CLCN1: variants seen among roughly 807,000 people sequenced by gnomAD.
CLCN1 encodes chloride channel protein 1.
In CLCN1, 100 loss-of-function variants were observed where a neutral mutation model predicts 114.5. The ratio of observed to expected loss-of-function variants is 0.87; its 90% CI spans 0.74 to 1.03. CLCN1 has a LOEUF of 1.03. Among genes scored for constraint, CLCN1 ranks in the 50% least tolerant of loss-of-function variants. The probability of loss-of-function intolerance (pLI) is 0.00; values close to 1 mark genes in which losing one functional copy is unlikely to be tolerated. For synonymous variants in CLCN1, 485 were observed against 487.1 expected (o/e 1.00, Z 0.06); for missense variants, 1,188 against 1,250.0 (o/e 0.95, Z 0.75).
At chr7:143,348,699 T>C (rs1803317640) in intron 20 of CLCN1, among the ~76,000 whole-genome samples, 1 of 152,176 alleles carries the variant, frequency 6.6e-6, no homozygotes, top group African/African-American at 2.4e-5. Flanking sequence ...AAGATTCAAT[T>C]ATATGTTGCC....
chr7:143,324,338 T>C lies in CLCN1; in HGVS notation c.775-76T>C. The stretch of plus-strand genomic sequence containing the variant: ...GCCTCTCATTCTGCCTTATTCCCCA[T>C]CCCTGCTTGTTCTGTCCTCTGCCTG... On this transcript the variant is annotated intron_variant, in intron 6 of 22. Transcript: ENST00000343257. The surrounding 1 kb of genome is among the most constrained non-coding windows in gnomAD (Gnocchi z 4.6). 10 of 1,040,402 alleles carry C rather than the reference T, an allele frequency of 9.6e-6. No homozygotes were observed. The highest frequency in any genetic ancestry group is 1.4e-5 in the Non-Finnish European group (9 of 657,794). 64.4% of individuals were successfully genotyped at this position (1,040,402 alleles called of 1,614,324 possible). A position where few individuals can be genotyped will look rare whatever the true frequency, so the allele number is the denominator to read the frequency against.
At position 143,345,602 on chromosome 7, in the gene CLCN1, T is replaced by A. The variant is rs772516304; in HGVS notation, c.2012T>A (p.Leu671Gln). The A allele has an allele frequency of 1.3e-6, 2 of 1,553,956 alleles. No homozygotes were observed. Among genetic ancestry groups the A allele is most frequent in the South Asian group, 1.2e-5 (1 of 84,254 alleles). The change falls in exon 17 of 23, where the codon CTG (leucine) becomes CAG (glutamine). Residue 671 changes from leucine to glutamine, a missense_variant. Leu to Gln is a moderately radical substitution (Grantham distance 113, BLOSUM62 -2). Coordinates refer to ENST00000343257, the MANE Select transcript of CLCN1 (RefSeq NM_000083.3). ...LQRHLCPERR[L>Q]RAAQEMARKL... is the part of the protein sequence containing the mutation. The stretch of plus-strand genomic sequence containing the variant: ...CGCCACCTGTGTCCTGAGCGCAGGC[T>A]GCGCGCAGCCCAAGAGATGGCGCGG...
At position 143,339,425 on chromosome 7, in the gene CLCN1, A is replaced by G. The variant is rs1803017830; in HGVS notation, c.1472-86A>G. The G allele has an allele frequency of 1.5e-6, 2 of 1,375,002 alleles. No homozygotes were observed. Among genetic ancestry groups the G allele is most frequent in the Non-Finnish European group, 2.1e-6 (2 of 962,064 alleles). The allele number at this position is 1,375,002 out of a possible 1,614,324, so 85.2% of individuals were successfully genotyped here. A position where few individuals can be genotyped will look rare whatever the true frequency, so the allele number is the denominator to read the frequency against. On this transcript the variant is annotated intron_variant, in intron 13 of 22. Transcript: ENST00000343257. This position sits in a 1 kb window ranked among gnomAD's most constrained non-coding sequence, Gnocchi z 4.1. ...ATGCTGGGAGTTTATATTTGTTCTT[A>G]ATGCCCAAGGAGAGATTGGTTCTGA... is the stretch of plus-strand genomic sequence containing the variant.
Position 143,345,677 on chromosome 7 carries a change from G to A in CLCN1, c.2087G>A (p.Gly696Glu), listed in dbSNP as rs1243583996. 3.2e-6 allele frequency: 5 copies of A among 1,556,544 alleles called. No individual in the cohort carries two copies. In the Admixed American group the frequency reaches 7.8e-5, roughly 24 times the overall value. Residue 696 changes from glycine (G) to glutamate (E), a missense_variant, in exon 17 of 23, where the codon GGG becomes GAG. Physicochemically the swap from Gly to Glu is moderately conservative, Grantham distance 98. Transcript: ENST00000343257. ...GGGAAGGCGCGGCTGGCTGGGGAGG[G>A]GCTCCCCGGCGCGCCTCCAGGCCGG... ...YDGKARLAGEGLPGAPPGRPE... is the reference protein window; with the variant it reads ...YDGKARLAGEELPGAPPGRPE...
In CLCN1 at chr7:143,342,457, C is replaced by A. The variant is rs2116374684; in HGVS notation, c.1882C>A (p.Leu628Met). ...TTACACATATGGGGAGTTGCGAACC[C>A]TGCTCCAGACCACCACAGTCAAGAC... ...ASYTYGELRT[L>M]LQTTTVKTLP... Residue 628 changes from leucine (L) to methionine (M), a missense_variant, in exon 16 of 23, where the codon CTG (leucine) becomes ATG (methionine). Leu to Met is a conservative substitution (Grantham distance 15). Coordinates refer to ENST00000343257, the MANE Select transcript of CLCN1 (RefSeq NM_000083.3). 1 of 1,614,080 alleles carries A rather than the reference C, an allele frequency of 6.2e-7. No homozygotes were observed. The highest frequency in any genetic ancestry group is 1.7e-5 in the Admixed American group (1 of 60,006).
intron 1 of CLCN1, 113 bp from the exon 2 acceptor site, chr7:143,319,642 C>G: frequency 8.7e-7 from 1 of 1,147,164 alleles, no homozygotes; most frequent in South Asian, 1.2e-5. Context: ...CAGTCAACAC[C>G]CAGAATTCAA....
At position 143,341,909 on chromosome 7, in the gene CLCN1, G is replaced by A. The variant is rs371387287; in HGVS notation, c.1583-20G>A. ...AGAACGGTAGCCCTAACCTACAGGC[G>A]TATTCCTGTGTCATTCTAGGAGCAG... On this transcript the variant is annotated intron_variant, in intron 14 of 22. Transcript: ENST00000343257. 77 of 1,597,058 alleles carry A rather than the reference G, an allele frequency of 4.8e-5. No individual in the cohort carries two copies. The African/African-American group carries it at 6.6e-4, about 14-fold the overall frequency.
In CLCN1 at chr7:143,342,100, A is replaced by G. The variant is rs757983792; in HGVS notation, c.1754A>G (p.Lys585Arg). 1.2e-6 allele frequency: 2 copies of G among 1,614,202 alleles called. No individual in the cohort carries two copies. Among genetic ancestry groups the G allele is most frequent in the South Asian group, 1.1e-5 (1 of 91,082 alleles). The stretch of plus-strand genomic sequence containing the variant: ...CTCTATGACAGCATCATCCAGGTCA[A>G]GAAGCTACCCTACTTGCCTGACCTT... The part of the protein sequence containing the change: ...PSLYDSIIQV[K>R]KLPYLPDLGW... Residue 585 changes from lysine to arginine, a missense_variant, in exon 15 of 23, where the codon AAG (lysine) becomes AGG (arginine). Physicochemically the swap from Lys to Arg is conservative, Grantham distance 26 (BLOSUM62 2). Transcript: ENST00000343257.
chr7:143,345,539 G>A lies in CLCN1; in HGVS notation c.1949G>A (p.Gly650Asp). Residue 650 changes from glycine (G) to aspartate (D), a missense_variant, in exon 17 of 23, where the codon GGC becomes GAC. Physicochemically the swap from Gly to Asp is moderately conservative, Grantham distance 94 (BLOSUM62 -1). Coordinates refer to ENST00000343257, the MANE Select transcript of CLCN1 (RefSeq NM_000083.3). ...CCCTCAGATTCAATGATCCTGCTGG[G>A]CTCGGTGGAGCGGTCGGAACTGCAG... Reference protein sequence around the residue: ...VDSKDSMILLGSVERSELQAL... With the variant: ...VDSKDSMILLDSVERSELQAL... 6.5e-7 allele frequency: 1 copy of A among 1,538,958 alleles called. No homozygotes were observed. Among genetic ancestry groups the A allele is most frequent in the South Asian group, 1.2e-5 (1 of 83,702 alleles).
rs755414284 is a variant in CLCN1, at chr7:143,316,329, T to G, written c.117T>G (p.Asn39Lys). Residue 39 changes from asparagine to lysine, a missense_variant, in exon 1 of 23, where the codon AAT (asparagine) becomes AAG (lysine). Transcript: ENST00000343257. Reference protein sequence around the residue: ...HCTSYGLPSENGGLQHRLRKD... With the variant: ...HCTSYGLPSEKGGLQHRLRKD... Reference sequence around the variant, plus strand: ...CCAGCTACGGACTGCCCTCTGAGAATGGGGGCCTCCAGCACAGGCTCCGGA... The same window carrying G: ...CCAGCTACGGACTGCCCTCTGAGAAGGGGGGCCTCCAGCACAGGCTCCGGA... 1.7e-5 allele frequency: 27 copies of G among 1,610,714 alleles called. No individual in the cohort carries two copies. Among genetic ancestry groups the G allele is most frequent in the Middle Eastern group, 2.1e-4 (1 of 4,764 alleles).
In CLCN1 at chr7:143,346,225, A is replaced by T; in HGVS notation, c.2258A>T (p.Gln753Leu). The change falls in exon 18 of 23, where the codon CAG becomes CTG. Residue 753 changes from glutamine (Q) to leucine (L), a missense_variant. Transcript: ENST00000343257. ...AATGGGCCTCTGCCTGGCCACAAACAGCAGCCGGAAGCACCAGAGCCTGCA... is the reference window on the plus strand; with the variant it reads ...AATGGGCCTCTGCCTGGCCACAAACTGCAGCCGGAAGCACCAGAGCCTGCA... ...EPNGPLPGHK[Q>L]QPEAPEPAGQ... 6.2e-7 allele frequency: 1 copy of T among 1,612,872 alleles called. No individual in the cohort carries two copies. The highest frequency in any genetic ancestry group is 8.5e-7 in the Non-Finnish European group (1 of 1,179,106).
At chr7:143,335,506 C>A (rs1254871218) in intron 12 of CLCN1, among the ~76,000 whole-genome samples, 1 of 152,146 alleles carries the variant, frequency 6.6e-6, no homozygotes, top group Non-Finnish European at 1.5e-5. Context: ...GACACAATAA[C>A]CATACTCTTA....
At chr7:143,346,860 T>TA (rs757705912) in intron 19 of CLCN1, 51 bp from the exon 20 acceptor site, 3 of 1,564,822 alleles carry the variant, frequency 1.9e-6, no homozygotes, top group Non-Finnish European at 2.6e-6. Context: ...GAGCCATAGC[T>TA]ACCATGGGAA....
chr7:143,346,268 A>G lies in CLCN1; in HGVS notation c.2284+17A>G. 3 of 1,533,112 alleles carry G rather than the reference A, an allele frequency of 2.0e-6. No homozygotes were observed. Among genetic ancestry groups the G allele is most frequent in the Non-Finnish European group, 2.7e-6 (3 of 1,107,650 alleles). The allele number at this position is 1,533,112 out of a possible 1,614,324, so 95.0% of individuals were successfully genotyped here. A position where few individuals can be genotyped will look rare whatever the true frequency, so the allele number is the denominator to read the frequency against. ...AGCCTGCAGGTGACGCTCTTCCCTCATGCACCCCAACTCACCCCTTGTGGG... is the reference window on the plus strand; with the variant it reads ...AGCCTGCAGGTGACGCTCTTCCCTCGTGCACCCCAACTCACCCCTTGTGGG... On this transcript the variant is annotated intron_variant, in intron 18 of 22. Coordinates refer to ENST00000343257, the MANE Select transcript of CLCN1 (RefSeq NM_000083.3).
At chr7:143,336,604 C>CAAAAAAAAA (rs573516521) in intron 12 of CLCN1, among the ~76,000 whole-genome samples, 1 of 80,388 alleles carries the variant, frequency 1.2e-5, no homozygotes, top group East Asian at 4.4e-4. Flanking sequence ...AAGACTCTGT[C>CAAAAAAAAA]AAAAAAAAAA....
Position 143,339,740 on chromosome 7 carries a change from T to C in CLCN1, c.1582+119T>C, listed in dbSNP as rs1292987820. On this transcript the variant is annotated intron_variant, in intron 14 of 22. Transcript: ENST00000343257. This position sits in a 1 kb window ranked among gnomAD's most constrained non-coding sequence, Gnocchi z 4.1. ...CAATACGGTTTTAATTTAGTGCTACTTAACTCAACTTTTACTCAGATAACA... is the reference window on the plus strand; with the variant it reads ...CAATACGGTTTTAATTTAGTGCTACCTAACTCAACTTTTACTCAGATAACA... 1.4e-6 allele frequency: 1 copy of C among 734,120 alleles called. No individual in the cohort carries two copies. The highest frequency in any genetic ancestry group is 2.5e-6 in the Non-Finnish European group (1 of 406,888). 45.5% of individuals were successfully genotyped at this position (734,120 alleles called of 1,614,324 possible).
chr7:143,329,913 C>T (rs2116851047), intron 7 of CLCN1, among the ~76,000 whole-genome samples: 1 of 152,182 alleles, frequency 6.6e-6, no homozygotes, highest in Admixed American at 6.5e-5. Flanking sequence ...TTGAGTGTTG[C>T]TTTTTACGCC....
intron 7 of CLCN1, among the ~76,000 whole-genome samples, chr7:143,329,590 G>A (rs536637921): frequency 1.9e-4 from 29 of 152,268 alleles, no homozygotes; most frequent in African/African-American, 5.3e-4. Flanking sequence ...AAGAGATGTG[G>A]CCTTTGAATA....
rs75189021 is a variant in CLCN1 at position 143,345,934 on chromosome 7, A to G, written c.2172+172A>G. 0.02 allele frequency among the ~76,000 whole-genome samples: 3,085 copies of G among 152,264 alleles called. 119 individuals carry two copies. Among genetic ancestry groups the G allele is most frequent in the African/African-American group, 0.071 (2,952 of 41,538 alleles). ...AGCCAGAAATTCTGGATCAGGTACC[A>G]TAGAGACCAGTGCCTCTGGGTCCAG... On this transcript the variant is annotated intron_variant, in intron 17 of 22. Coordinates refer to ENST00000343257, the MANE Select transcript of CLCN1 (RefSeq NM_000083.3).
Sources: allele counts gnomAD v4.1 joint callset (sites outside exome capture counted in the v4.1 genomes callset), GRCh38; gene constraint gnomAD v4.1.1; non-coding constraint Gnocchi (gnomAD v3.1); transcripts MANE v1.5; gene names NCBI Gene and HGNC (gene_info 2026-07-23, HGNC 2026-07-21).